Variants in ATP8A2 observed in about 807,000 individuals in gnomAD.
The protein encoded by ATP8A2 is phospholipid-transporting ATPase IB.
In ATP8A2, 100 loss-of-function variants were observed where a neutral mutation model predicts 165.6. The observed-to-expected ratio is 0.60, with a 90% CI of 0.51 to 0.71. The LOEUF is 0.71. Among genes scored for constraint, ATP8A2 ranks in the 30% least tolerant of loss-of-function variants. The probability of loss-of-function intolerance (pLI) is 0.00; values close to 1 mark genes in which losing one functional copy is unlikely to be tolerated. For synonymous variants in ATP8A2, 543 were observed against 548.8 expected (o/e 0.99, Z 0.15); for missense variants, 1,227 against 1,479.5 (o/e 0.83, Z 2.80).
intron 33 of ATP8A2, among the ~76,000 whole-genome samples, chr13:25,869,402 T>G (rs1341013634): frequency 2.0e-5 from 3 of 152,226 alleles, no homozygotes; most frequent in Non-Finnish European, 2.9e-5. Flanking sequence ...CTCTGGATTC[T>G]CTGGAATCCT....
intron 25 of ATP8A2, among the ~76,000 whole-genome samples, chr13:25,753,513 C>T (rs2044198329): frequency 6.6e-6 from 1 of 152,228 alleles, no homozygotes; most frequent in African/African-American, 2.4e-5. Flanking sequence ...CACAAATACT[C>T]TCTGAGTGCC....
At chr13:25,866,516 G>A (rs923204281) in intron 33 of ATP8A2, among the ~76,000 whole-genome samples, 14 of 152,138 alleles carry the variant, frequency 9.2e-5, no homozygotes, top group African/African-American at 3.4e-4. Flanking sequence ...ATGTTTTTGA[G>A]TAAGGTCTAT....
chr13:25,454,440 G>C (rs2035308419), intron 1 of ATP8A2, among the ~76,000 whole-genome samples: 1 of 149,318 alleles, frequency 6.7e-6, no homozygotes, highest in South Asian at 2.2e-4. Context: ...CTCTCTGAAC[G>C]ATGAAGATGG....
intron 19 of ATP8A2, among the ~76,000 whole-genome samples, chr13:25,576,659 C>T (rs1366145385): frequency 6.6e-6 from 1 of 152,086 alleles, no homozygotes; most frequent in East Asian, 1.9e-4. Context: ...CAGGGAGGAG[C>T]TTCTGAGTTA....
intron 27 of ATP8A2, among the ~76,000 whole-genome samples, chr13:25,782,415 T>G (rs1403547640): frequency 6.6e-6 from 1 of 152,236 alleles, no homozygotes; most frequent in South Asian, 2.1e-4. Flanking sequence ...TAATAAGTGT[T>G]GACCACCTAC....
chr13:25,839,177 A>G (rs946635699), intron 29 of ATP8A2, among the ~76,000 whole-genome samples: 6 of 152,150 alleles, frequency 3.9e-5, no homozygotes, highest in African/African-American at 1.4e-4. Context: ...CTTCTTAACA[A>G]TTTTGACCTA....
intron 33 of ATP8A2, among the ~76,000 whole-genome samples, chr13:25,901,298 G>A (rs1953740270): frequency 6.6e-6 from 1 of 151,918 alleles, no homozygotes; most frequent in Admixed American, 6.6e-5. Flanking sequence ...GTTTGAAGAG[G>A]CGAAAAAAGG....
intron 1 of ATP8A2, among the ~76,000 whole-genome samples, chr13:25,408,212 G>A (rs1566110866): frequency 6.6e-6 from 1 of 152,124 alleles, no homozygotes; most frequent in South Asian, 2.1e-4. Context: ...GGCCAACGTG[G>A]TGAAACCCCG....
chr13:25,549,829 ACT>A (rs1230171522), intron 10 of ATP8A2, among the ~76,000 whole-genome samples: 1 of 151,540 alleles, frequency 6.6e-6, no homozygotes, highest in Non-Finnish European at 1.5e-5. Context: ...TTCAGAGGGG[ACT>A]CTCTCTGATC....
intron 27 of ATP8A2, among the ~76,000 whole-genome samples, chr13:25,796,240 C>T (rs543901421): frequency 5.2e-4 from 79 of 152,266 alleles, no homozygotes; most frequent in Admixed American, 2.5e-3. Context: ...CGAGCCACCG[C>T]GCCCGGCCCA....
At chr13:25,846,332 G>A (rs1432214367) in intron 30 of ATP8A2, among the ~76,000 whole-genome samples, 1 of 152,200 alleles carries the variant, frequency 6.6e-6, no homozygotes, top group Admixed American at 6.5e-5. Context: ...TAGCAAAGTA[G>A]AAGGTCAAGT....
chr13:25,951,296 G>T (rs145699104), intron 33 of ATP8A2, among the ~76,000 whole-genome samples: 2 of 152,216 alleles, frequency 1.3e-5, no homozygotes, highest in African/African-American at 2.4e-5. Context: ...AATGGAATAC[G>T]ATTCCAAAAC....
chr13:25,719,848 G>T (rs897446066), intron 25 of ATP8A2, among the ~76,000 whole-genome samples: 3 of 152,172 alleles, frequency 2.0e-5, no homozygotes, highest in Admixed American at 6.5e-5. Context: ...AGCTGGCATC[G>T]CTGTGGGGCC....
intron 24 of ATP8A2, among the ~76,000 whole-genome samples, chr13:25,604,457 C>T (rs1299406641): frequency 1.3e-5 from 2 of 152,098 alleles, no homozygotes; most frequent in Non-Finnish European, 2.9e-5. Flanking sequence ...TCTTGTAGGT[C>T]TTAGGTTAGC....
chr13:25,432,893 G>A (rs1425424850), intron 1 of ATP8A2, among the ~76,000 whole-genome samples: 1 of 152,152 alleles, frequency 6.6e-6, no homozygotes, highest in Non-Finnish European at 1.5e-5. Flanking sequence ...TTTGTGACCC[G>A]TGCTTTCCGG....
intron 31 of ATP8A2, 89 bp from the exon 32 acceptor site, chr13:25,860,715 T>A (rs1276321313): frequency 1.9e-6 from 2 of 1,033,240 alleles, no homozygotes; most frequent in Admixed American, 2.0e-5. Flanking sequence ...GGGAAGCTAG[T>A]TCTGGAGTGG....
chr13:25,810,798 G>A (rs996899256), intron 27 of ATP8A2, among the ~76,000 whole-genome samples: 9 of 152,132 alleles, frequency 5.9e-5, no homozygotes, highest in Non-Finnish European at 1.2e-4. Flanking sequence ...TGTACACGCA[G>A]TTGCAGTCAG....
chr13:25,427,307 C>G (rs1026586893), intron 1 of ATP8A2, among the ~76,000 whole-genome samples: 4 of 151,770 alleles, frequency 2.6e-5, no homozygotes, highest in Non-Finnish European at 4.4e-5. Context: ...CTGTCACTGT[C>G]TCCCATCACC....
intron 1 of ATP8A2, among the ~76,000 whole-genome samples, chr13:25,416,719 T>C (rs963715716): frequency 1.3e-5 from 2 of 152,214 alleles, no homozygotes; most frequent in African/African-American, 4.8e-5. Context: ...TCACATGACT[T>C]ACAAATTGCC....
Sources: gnomAD v4.1 joint callset for allele counts (sites outside exome capture counted in the v4.1 genomes callset) on GRCh38, gnomAD v4.1.1 for gene constraint, MANE v1.5 for transcripts, NCBI Gene and HGNC (gene_info 2026-07-23, HGNC 2026-07-21) for gene names.